ADAMTSL5: variants seen among roughly 807,000 people sequenced by gnomAD.
ADAMTSL5 encodes ADAMTS-like protein 5.
Under a neutral mutation model 51.7 loss-of-function variants are expected in ADAMTSL5, and 53 were observed. That is an observed-to-expected ratio of 1.03 (90% confidence interval 0.82 to 1.29). The LOEUF (loss-of-function observed/expected upper bound fraction) is 1.29, where lower values mean the gene tolerates loss of function less well. Among genes scored for constraint, ADAMTSL5 ranks in the 50% most tolerant of loss-of-function variants. The pLI, the probability that ADAMTSL5 is intolerant of heterozygous loss-of-function variation, is 0.00. For missense variants in ADAMTSL5, 770 were observed against 676.2 expected, an observed-to-expected ratio of 1.14 and a Z score of -1.54; for synonymous variants, 285 against 278.7, an observed-to-expected ratio of 1.02 and a Z score of -0.23.
intron 3 of ADAMTSL5, 88 bp downstream of exon 3, chr19:1,510,551 C>T: frequency 6.8e-7 from 1 of 1,477,838 alleles, no homozygotes; most frequent in Non-Finnish European, 9.0e-7. Context: ...AAGGGCACAG[C>T]ATGTGTGGGC....
intron 9 of ADAMTSL5, 34 bp downstream of exon 9, chr19:1,507,208 A>C (rs773858007): frequency 6.6e-7 from 1 of 1,505,132 alleles, no homozygotes; most frequent in Non-Finnish European, 8.9e-7. Flanking sequence ...TCCCCAGCCG[A>C]CCCCCTCTGA....
Position 1,506,587 on chromosome 19 carries a change from C to T in ADAMTSL5, c.1114+3G>A. On this transcript the variant is annotated splice_donor_region_variant and intron_variant, in intron 11 of 11. Coordinates refer to ENST00000330475, the MANE Select transcript of ADAMTSL5 (RefSeq NM_213604.3). The surrounding 1 kb of genome is among the most constrained non-coding windows in gnomAD (Gnocchi z 5.6). The stretch of plus-strand genomic sequence containing the variant: ...AAGTCAGGGTAGAGGTCGGGGGTCT[C>T]ACCAAAGTCACTGCCGCAATAGTGG... 1 of 1,611,142 alleles carries T rather than the reference C, an allele frequency of 6.2e-7. No homozygotes were observed.
chr19:1,512,419 G>A (rs1016909371), intron 1 of ADAMTSL5, among the ~76,000 whole-genome samples: 9 of 151,960 alleles, frequency 5.9e-5, no homozygotes, highest in African/African-American at 2.2e-4. Flanking sequence ...GGTGGCTCAC[G>A]CCTGTAATCC....
chr19:1,507,753 A>G, intron 7 of ADAMTSL5, 110 bp from the exon 8 acceptor site: 2 of 1,158,170 alleles, frequency 1.7e-6, no homozygotes, highest in South Asian at 1.3e-5. Context: ...GGGTCCTGGG[A>G]ACCGGAAAAC....
Position 1,508,418 on chromosome 19 carries a change from C to A in ADAMTSL5, c.489+25G>T, listed in dbSNP as rs763102610. The A allele has an allele frequency of 2.0e-5, 25 of 1,260,824 alleles. No individual in the cohort carries two copies. The East Asian group carries it at 4.3e-4, about 22-fold the overall frequency. 78.1% of individuals were successfully genotyped at this position (1,260,824 alleles called of 1,614,324 possible). On this transcript the variant is annotated intron_variant, in intron 6 of 11. Coordinates refer to ENST00000330475, the MANE Select transcript of ADAMTSL5 (RefSeq NM_213604.3). ...GCCTGAGTGGGAGGTGGGCGGGGCT[C>A]GGGCGGGGCCTGACGAGTCCTTACA...
chr19:1,506,280 G>A lies in ADAMTSL5; in HGVS notation c.1151C>T (p.Ala384Val). ...QARVLGHHHQAQETRYEVRIQ... is the reference protein window; with the variant it reads ...QARVLGHHHQVQETRYEVRIQ... ...GCGCACCTCATAGCGGGTCTCCTGGGCCTGGTGGTGGTGGCCCAGCACTCG... is the reference window on the plus strand; with the variant it reads ...GCGCACCTCATAGCGGGTCTCCTGGACCTGGTGGTGGTGGCCCAGCACTCG... The change falls in exon 12 of 12, where the codon GCC (alanine) becomes GTC (valine). Residue 384 changes from alanine to valine, a missense_variant. Transcript: ENST00000330475. The surrounding 1 kb of genome is among the most constrained non-coding windows in gnomAD (Gnocchi z 5.6). 2 of 1,553,590 alleles carry A rather than the reference G, an allele frequency of 1.3e-6. No individual in the cohort carries two copies. The highest frequency in any genetic ancestry group is 1.9e-5 in the Admixed American group (1 of 53,868).
In ADAMTSL5 at chr19:1,510,977, G is replaced by A. The variant is rs1360548487; in HGVS notation, c.-34C>T. ...CGCCAGAGACACAGGGTTGTGTCCCGGCTCTGCCCTGACTGGCTGTGTGAT... is the reference window on the plus strand; with the variant it reads ...CGCCAGAGACACAGGGTTGTGTCCCAGCTCTGCCCTGACTGGCTGTGTGAT... On this transcript the variant is annotated 5_prime_UTR_variant, in exon 2 of 12. Transcript: ENST00000330475. The A allele has an allele frequency of 5.9e-6, 8 of 1,356,890 alleles. No individual in the cohort carries two copies. Among genetic ancestry groups the A allele is most frequent in the South Asian group, 5.5e-5 (3 of 54,458 alleles). The allele number at this position is 1,356,890 out of a possible 1,614,324, so 84.1% of individuals were successfully genotyped here.
Position 1,511,005 on chromosome 19 carries a change from T to C in ADAMTSL5, c.-62A>G, listed in dbSNP as rs1015553594. On this transcript the variant is annotated 5_prime_UTR_variant, in exon 2 of 12. Coordinates refer to ENST00000330475, the MANE Select transcript of ADAMTSL5 (RefSeq NM_213604.3). Reference sequence around the variant, plus strand: ...TCTGCCCTGACTGGCTGTGTGATCTTGGAAAGTAACTAAACCTCTCTGAGC... The same window carrying C: ...TCTGCCCTGACTGGCTGTGTGATCTCGGAAAGTAACTAAACCTCTCTGAGC... 17 of 1,242,126 alleles carry C rather than the reference T, an allele frequency of 1.4e-5. No individual in the cohort carries two copies. In the Admixed American group the frequency reaches 1.5e-4, roughly 11 times the overall value. The allele number at this position is 1,242,126 out of a possible 1,614,324, so 76.9% of individuals were successfully genotyped here. A position where few individuals can be genotyped will look rare whatever the true frequency, so the allele number is the denominator to read the frequency against.
At chr19:1,509,568 C>T (rs747804321) in intron 5 of ADAMTSL5, among the ~76,000 whole-genome samples, 3 of 118,292 alleles carry the variant, frequency 2.5e-5, no homozygotes, top group African/African-American at 3.3e-5. Context: ...TGGGCCTCTG[C>T]GGGGGTGGGA....
chr19:1,507,780 G>A, intron 7 of ADAMTSL5, 137 bp from the exon 8 acceptor site: 1 of 1,029,630 alleles, frequency 9.7e-7, no homozygotes, highest in South Asian at 1.4e-5. Context: ...TAAACGTTTG[G>A]AGTTACAATT....
chr19:1,507,308 G>A lies in ADAMTSL5; in HGVS notation c.786C>T (p.Thr262=), dbSNP rs1348802997. ...YEAAGTHVVY[T]RDTGPQETLQ... ...ATGTCTCCTGGGGCCCTGTGTCTCGGGTGTAGACCACATGCGTGCCGGCCG... is the reference window on the plus strand; with the variant it reads ...ATGTCTCCTGGGGCCCTGTGTCTCGAGTGTAGACCACATGCGTGCCGGCCG... Residue 262 remains threonine (T), a synonymous_variant, in exon 9 of 12, where the codon ACC becomes ACT. Transcript: ENST00000330475. 1.3e-6 allele frequency: 2 copies of A among 1,593,274 alleles called. No homozygotes were observed. Among genetic ancestry groups the A allele is most frequent in the Admixed American group, 3.5e-5 (2 of 57,202 alleles).
rs1050757434 is a variant in ADAMTSL5 at position 1,505,831 on chromosome 19, G to T, written c.*184C>A. On this transcript the variant is annotated 3_prime_UTR_variant, in exon 12 of 12. Transcript: ENST00000330475. ...CCTCCTCACCAGTGCCTGCCGGCTT[G>T]TGACAGTGGCTTTGACTGCATGCAG... is the stretch of plus-strand genomic sequence containing the variant. 3 of 708,888 alleles carry T rather than the reference G, an allele frequency of 4.2e-6. No individual in the cohort carries two copies. The highest frequency in any genetic ancestry group is 3.7e-5 in the African/African-American group (2 of 53,488). The allele number at this position is 708,888 out of a possible 1,614,324, so 43.9% of individuals were successfully genotyped here.
At chr19:1,507,046 T>G (rs1256534574) in intron 9 of ADAMTSL5, 118 bp from the exon 10 acceptor site, 1 of 1,310,480 alleles carries the variant, frequency 7.6e-7, no homozygotes, top group Non-Finnish European at 1.0e-6. Flanking sequence ...CTCCCTCCTC[T>G]GATGCTCTGT....
chr19:1,512,707 AG>A (rs905411090), intron 1 of ADAMTSL5, among the ~76,000 whole-genome samples: 1 of 151,846 alleles, frequency 6.6e-6, no homozygotes, highest in Non-Finnish European at 1.5e-5. Context: ...CAAAAAAAAC[AG>A]GGGGAGGGGG....
In ADAMTSL5 at chr19:1,507,317, C is replaced by T. The variant is rs576629519; in HGVS notation, c.777G>A (p.Val259=). ...GGGGCCCTGTGTCTCGGGTGTAGAC[C>T]ACATGCGTGCCGGCCGCCTCGTAGG... is the stretch of plus-strand genomic sequence containing the variant. The part of the protein sequence containing the change: ...PGTYEAAGTH[V]VYTRDTGPQE... Residue 259 remains valine (V), a synonymous_variant, in exon 9 of 12, where the codon GTG becomes GTA. Coordinates refer to ENST00000330475, the MANE Select transcript of ADAMTSL5 (RefSeq NM_213604.3). 92 of 1,596,094 alleles carry T rather than the reference C, an allele frequency of 5.8e-5. 2 individuals carry two copies. The South Asian group carries it at 9.1e-4, about 16-fold the overall frequency.
At chr19:1,511,546 G>A in intron 1 of ADAMTSL5, 2 of 1,208,346 alleles carry the variant, frequency 1.7e-6, no homozygotes, top group Non-Finnish European at 2.1e-6. Flanking sequence ...ATGATTGGAG[G>A]GATCATTCAA....
chr19:1,506,635 G>A lies in ADAMTSL5; in HGVS notation c.1069C>T (p.Arg357Cys), dbSNP rs751276838. The change falls in exon 11 of 12, where the codon CGC (arginine) becomes TGC (cysteine). Residue 357 changes from arginine (R) to cysteine (C), a missense_variant. Arg to Cys is a radical substitution (Grantham distance 180). Transcript: ENST00000330475. The surrounding 1 kb of genome is among the most constrained non-coding windows in gnomAD (Gnocchi z 5.6). The part of the protein sequence containing the change: ...PDPCPPCPDT[R>C]GRAHRLLHYC... Reference sequence around the variant, plus strand: ...TGGAGTAGTCGGTGGGCGCGGCCGCGGGTGTCAGGGCAGGGTGGGCAGGGG... The same window carrying A: ...TGGAGTAGTCGGTGGGCGCGGCCGCAGGTGTCAGGGCAGGGTGGGCAGGGG... 1.5e-5 allele frequency: 24 copies of A among 1,610,400 alleles called. No individual in the cohort carries two copies. The highest frequency in any genetic ancestry group is 2.2e-5 in the East Asian group (1 of 44,674).
At chr19:1,512,719 C>T (rs1913325620) in intron 1 of ADAMTSL5, among the ~76,000 whole-genome samples, 1 of 152,134 alleles carries the variant, frequency 6.6e-6, no homozygotes, top group Non-Finnish European at 1.5e-5. Flanking sequence ...GGGGAGGGGG[C>T]TTGACCTTCT....
chr19:1,510,824 TG>T lies in ADAMTSL5; in HGVS notation c.99+20del. 1 of 1,523,310 alleles carries T rather than the reference TG, an allele frequency of 6.6e-7. No individual in the cohort carries two copies. The highest frequency in any genetic ancestry group is 1.3e-5 in the South Asian group (1 of 77,490). 94.4% of individuals were successfully genotyped at this position (1,523,310 alleles called of 1,614,324 possible). A position where few individuals can be genotyped will look rare whatever the true frequency, so the allele number is the denominator to read the frequency against. On this transcript the variant is annotated intron_variant, in intron 2 of 11. Transcript: ENST00000330475. ...GTCCCCATTCCCACTCGCCACCCCC[TG>T]GGCTCATGCCCCCCCTTACCTGAGC...
Sources: allele counts gnomAD v4.1 joint callset (sites outside exome capture counted in the v4.1 genomes callset), GRCh38; gene constraint gnomAD v4.1.1; non-coding constraint Gnocchi (gnomAD v3.1); transcripts MANE v1.5; gene names NCBI Gene and HGNC (gene_info 2026-07-23, HGNC 2026-07-21).